The following GALNT17 variants were observed in gnomAD, a reference collection of about 807,000 sequenced individuals.
The protein encoded by GALNT17 is polypeptide N-acetylgalactosaminyltransferase 17.
In GALNT17, 29 loss-of-function variants were observed where a neutral mutation model predicts 63.7. That is an observed-to-expected ratio of 0.46 (90% CI 0.34 to 0.62). The LOEUF is 0.62. Ranked by LOEUF, GALNT17 falls within the 20% of genes least tolerant of loss-of-function variation. GALNT17 has a pLI of 0.01. For missense variants in GALNT17, 603 were observed against 799.6 expected (o/e 0.75, Z 2.97); for synonymous variants, 305 against 318.3 (o/e 0.96, Z 0.45).
At chr7:71,170,435 G>A (rs924166142) in intron 1 of GALNT17, among the ~76,000 whole-genome samples, 1 of 151,806 alleles carries the variant, frequency 6.6e-6, no homozygotes, top group East Asian at 1.9e-4. Flanking sequence ...TCCCGGGTTC[G>A]AGCGATTCTC....
At chr7:71,465,127 GC>G in intron 5 of GALNT17, among the ~76,000 whole-genome samples, 1 of 152,334 alleles carries the variant, frequency 6.6e-6, no homozygotes, top group East Asian at 1.9e-4. Flanking sequence ...CTAGGTGGCA[GC>G]AAGGGTACAA....
At chr7:71,401,097 CTTTTTTT>C (rs544794124) in intron 3 of GALNT17, among the ~76,000 whole-genome samples, 3 of 140,062 alleles carry the variant, frequency 2.1e-5, no homozygotes, top group Non-Finnish European at 4.7e-5. Flanking sequence ...TTTTCTTTTT[CTTTTTTT>C]TTTTTTTCTG....
chr7:71,541,437 C>T (rs1166111463), intron 5 of GALNT17, among the ~76,000 whole-genome samples: 1 of 151,952 alleles, frequency 6.6e-6, no homozygotes, highest in Admixed American at 6.6e-5. Context: ...CCTGTAATCC[C>T]AGCTATTCGG....
intron 1 of GALNT17, among the ~76,000 whole-genome samples, chr7:71,172,467 GA>G (rs369510040): frequency 9.1e-4 from 122 of 134,390 alleles, no homozygotes; most frequent in African/African-American, 1.2e-3. Flanking sequence ...AAAAAAAAAA[GA>G]AAAAAAAAAA....
chr7:71,336,626 G>A (rs1381900253), intron 2 of GALNT17, among the ~76,000 whole-genome samples: 1 of 152,138 alleles, frequency 6.6e-6, no homozygotes, highest in Non-Finnish European at 1.5e-5. Context: ...AGTTTGCTTA[G>A]GACAATGGCC....
At chr7:71,288,115 C>G (rs1222433495) in intron 1 of GALNT17, among the ~76,000 whole-genome samples, 1 of 145,274 alleles carries the variant, frequency 6.9e-6, no homozygotes, top group African/African-American at 2.6e-5. Context: ...ACTCGGGAGG[C>G]TGAGGCAGGA....
At chr7:71,436,288 C>T (rs1454868541) in intron 5 of GALNT17, among the ~76,000 whole-genome samples, 4 of 152,108 alleles carry the variant, frequency 2.6e-5, no homozygotes, top group Non-Finnish European at 5.9e-5. Context: ...CTGCAGTGAG[C>T]TGTAATCATT....
intron 1 of GALNT17, among the ~76,000 whole-genome samples, chr7:71,324,145 C>T (rs552322717): frequency 7.2e-5 from 11 of 152,100 alleles, no homozygotes; most frequent in South Asian, 2.1e-4. Context: ...TTGCATATTA[C>T]GTGAAAACTT....
intron 8 of GALNT17, among the ~76,000 whole-genome samples, chr7:71,673,996 G>A (rs1437790147): frequency 6.6e-6 from 1 of 152,194 alleles, no homozygotes; most frequent in Non-Finnish European, 1.5e-5. Flanking sequence ...ATCAACCACA[G>A]TATAAATGAT....
chr7:71,592,282 G>A (rs1410339968), intron 6 of GALNT17, among the ~76,000 whole-genome samples: 5 of 152,174 alleles, frequency 3.3e-5, no homozygotes, highest in Admixed American at 2.6e-4. Context: ...GAGACAGGTC[G>A]GGTCTTTCTG....
At chr7:71,669,940 A>G (rs938264846) in intron 7 of GALNT17, 32 bp from the exon 8 acceptor site, 3 of 1,612,944 alleles carry the variant, frequency 1.9e-6, no homozygotes, top group Non-Finnish European at 1.7e-6. Context: ...CTCCACAGTC[A>G]CTAACACCCC....
chr7:71,591,343 A>G (rs540374367), intron 6 of GALNT17, among the ~76,000 whole-genome samples: 44 of 152,108 alleles, frequency 2.9e-4, no homozygotes, highest in Non-Finnish European at 3.8e-4. Flanking sequence ...GGCGTGAGCC[A>G]CCACCACGCC....
At chr7:71,502,843 TCC>T (rs1370223659) in intron 5 of GALNT17, among the ~76,000 whole-genome samples, 1 of 152,178 alleles carries the variant, frequency 6.6e-6, no homozygotes, top group Non-Finnish European at 1.5e-5. Flanking sequence ...AATAATGTGT[TCC>T]ACAGCATGAA....
At chr7:71,142,873 G>A (rs923107254) in intron 1 of GALNT17, among the ~76,000 whole-genome samples, 3 of 151,764 alleles carry the variant, frequency 2.0e-5, no homozygotes, top group African/African-American at 7.3e-5. Context: ...CTTGGGAGAC[G>A]GAGGTTGCCA....
At chr7:71,246,555 G>A (rs1232156320) in intron 1 of GALNT17, among the ~76,000 whole-genome samples, 7 of 151,862 alleles carry the variant, frequency 4.6e-5, no homozygotes, top group African/African-American at 1.7e-4. Flanking sequence ...ATGAGGCCAG[G>A]CGTGGTGGCT....
intron 5 of GALNT17, among the ~76,000 whole-genome samples, chr7:71,491,378 C>T (rs895504577): frequency 1.3e-5 from 2 of 152,034 alleles, no homozygotes; most frequent in South Asian, 2.1e-4. Context: ...GAAGCAGGCA[C>T]GACGCCTTCT....
chr7:71,546,410 C>T (rs1479063640), intron 5 of GALNT17, among the ~76,000 whole-genome samples: 2 of 152,096 alleles, frequency 1.3e-5, no homozygotes, highest in Non-Finnish European at 2.9e-5. Flanking sequence ...GATCCTTCCA[C>T]CTTGGCCTCC....
At chr7:71,552,441 ACT>A (rs1469902775) in intron 5 of GALNT17, among the ~76,000 whole-genome samples, 18 of 139,250 alleles carry the variant, frequency 1.3e-4, no homozygotes, top group African/African-American at 4.8e-4. Context: ...CCTGGCTGTG[ACT>A]CTTTTTTTTT....
rs1162120924 is a variant in GALNT17, at chr7:71,185,008, CT to C, written c.238+51969del. On this transcript the variant is annotated intron_variant, in intron 1 of 10. Coordinates refer to ENST00000333538, the MANE Select transcript of GALNT17 (RefSeq NM_022479.3). ...CCTTCCTTCCTTCCTTCTTCCTTCC[CT>C]CCCTCCCTCCTTCCTTCCTTCCTCT... 3.9e-3 allele frequency among the ~76,000 whole-genome samples: 496 copies of C among 128,526 alleles called. 8 individuals are homozygous for C. Among genetic ancestry groups the C allele is most frequent in the African/African-American group, 0.016 (471 of 29,344 alleles). 84.3% of individuals were successfully genotyped at this position (128,526 alleles called of 152,430 possible).
Sources: allele counts gnomAD v4.1 joint callset (sites outside exome capture counted in the v4.1 genomes callset), GRCh38; gene constraint gnomAD v4.1.1; transcripts MANE v1.5; gene names NCBI Gene and HGNC (gene_info 2026-07-23, HGNC 2026-07-21).